The following ARID5B variants were observed in gnomAD, a reference collection of about 807,000 sequenced individuals.
The protein encoded by ARID5B is AT-rich interactive domain-containing protein 5B.
A neutral mutation model predicts 97.2 loss-of-function variants in ARID5B; 13 were observed. The observed-to-expected ratio is 0.13, with a 90% CI of 0.09 to 0.21. The LOEUF (loss-of-function observed/expected upper bound fraction) is 0.21, where lower values mean the gene tolerates loss of function less well. Among genes scored for constraint, ARID5B ranks in the 10% least tolerant of loss-of-function variants. The pLI is 1.00. For missense variants in ARID5B, 1,210 were observed against 1,465.3 expected (o/e 0.83, Z 2.84); for synonymous variants, 556 against 570.3 (o/e 0.97, Z 0.36).
chr10:61,951,870 C>T (rs2132812093), intron 3 of ARID5B, among the ~76,000 whole-genome samples: 1 of 152,112 alleles, frequency 6.6e-6, no homozygotes, highest in South Asian at 2.1e-4. Flanking sequence ...TAAATATGCC[C>T]CCATATTGTA....
intron 3 of ARID5B, among the ~76,000 whole-genome samples, chr10:61,968,121 C>T (rs1838571894): frequency 6.9e-6 from 1 of 144,748 alleles, no homozygotes; most frequent in African/African-American, 2.6e-5. Flanking sequence ...TATAAACACA[C>T]CTAATCTAGT....
intron 3 of ARID5B, among the ~76,000 whole-genome samples, chr10:61,968,669 A>T (rs1038990413): frequency 6.6e-6 from 1 of 152,220 alleles, no homozygotes; most frequent in Non-Finnish European, 1.5e-5. Flanking sequence ...GCACAAGTCC[A>T]TTTATGATAC....
intron 2 of ARID5B, among the ~76,000 whole-genome samples, chr10:61,916,138 C>T (rs1843899694): frequency 6.6e-6 from 1 of 152,254 alleles, no homozygotes; most frequent in South Asian, 2.1e-4. Context: ...ATCGCAACCT[C>T]TGTTGCCCAG....
intron 2 of ARID5B, among the ~76,000 whole-genome samples, chr10:61,922,598 G>A (rs990397821): frequency 3.3e-5 from 5 of 152,260 alleles, no homozygotes; most frequent in Admixed American, 6.5e-5. Context: ...GTGAGACTCC[G>A]TCTCAAAAAA....
At chr10:62,087,628 A>C (rs1035683131) in intron 9 of ARID5B, among the ~76,000 whole-genome samples, 2 of 152,040 alleles carry the variant, frequency 1.3e-5, no homozygotes, top group Non-Finnish European at 2.9e-5. Flanking sequence ...AATACCCCCT[A>C]AAAAATCAGG....
intron 2 of ARID5B, among the ~76,000 whole-genome samples, chr10:61,919,590 G>T (rs1383488836): frequency 6.6e-6 from 1 of 152,214 alleles, no homozygotes; most frequent in Non-Finnish European, 1.5e-5. Flanking sequence ...GAATTCAGAT[G>T]AAAACACTGC....
chr10:62,028,072 A>G (rs1291459536), intron 4 of ARID5B, among the ~76,000 whole-genome samples: 2 of 152,208 alleles, frequency 1.3e-5, no homozygotes, highest in Non-Finnish European at 2.9e-5. Context: ...AGTCACAGAA[A>G]ACACACTTGA....
intron 3 of ARID5B, among the ~76,000 whole-genome samples, chr10:61,982,563 A>G (rs1319368252): frequency 6.6e-6 from 1 of 152,266 alleles, no homozygotes; most frequent in Admixed American, 6.5e-5. Flanking sequence ...AGCTAAAGAA[A>G]AGTAGTCTCT....
intron 2 of ARID5B, among the ~76,000 whole-genome samples, chr10:61,906,732 A>G (rs1843714194): frequency 6.6e-6 from 1 of 152,144 alleles, no homozygotes; most frequent in Admixed American, 6.5e-5. Flanking sequence ...TGGGGCCCCT[A>G]TTGAAGTCTC....
At chr10:61,989,528 G>T (rs552318850) in intron 3 of ARID5B, among the ~76,000 whole-genome samples, 1 of 152,256 alleles carries the variant, frequency 6.6e-6, no homozygotes, top group African/African-American at 2.4e-5. Flanking sequence ...AAATAAGATG[G>T]TGATTAACTA....
intron 2 of ARID5B, among the ~76,000 whole-genome samples, chr10:61,918,969 G>C (rs1353250372): frequency 2.7e-5 from 4 of 149,358 alleles, no homozygotes; most frequent in Non-Finnish European, 5.9e-5. Context: ...GGGAGGCGGA[G>C]ATTGCAGTGA....
In ARID5B at chr10:62,092,552, C is replaced by A. The variant is rs571413236; in HGVS notation, c.3089C>A (p.Ala1030Glu). 2.5e-6 allele frequency: 4 copies of A among 1,614,076 alleles called. No homozygotes were observed. Among genetic ancestry groups the A allele is most frequent in the Non-Finnish European group, 2.5e-6 (3 of 1,180,040 alleles). The change falls in exon 10 of 10, where the codon GCA becomes GAA. Residue 1030 changes from alanine (A) to glutamate (E), a missense_variant. Around this residue, in one of 8 missense-constraint regions of ARID5B, gnomAD observed 800 missense variants for 839.1 expected, o/e 0.95. Transcript: ENST00000279873. ...DLVIAGKKAR[A>E]VSPLDPSKEV... The stretch of plus-strand genomic sequence containing the variant: ...GTGATTGCAGGGAAAAAGGCCCGGG[C>A]AGTGTCTCCCTTAGACCCATCCAAG...
intron 2 of ARID5B, among the ~76,000 whole-genome samples, chr10:61,909,317 A>ATTT (rs1843759447): frequency 1.0e-5 from 1 of 97,418 alleles, no homozygotes; most frequent in African/African-American, 3.9e-5. Context: ...CTATTCAGTG[A>ATTT]GTTTTTTTTT....
intron 3 of ARID5B, among the ~76,000 whole-genome samples, chr10:61,948,848 T>G (rs1277397223): frequency 1.3e-5 from 2 of 152,208 alleles, no homozygotes; most frequent in African/African-American, 4.8e-5. Context: ...GCAAAACTAC[T>G]GGACTCTTCT....
chr10:61,945,743 A>G (rs534668111), intron 3 of ARID5B, among the ~76,000 whole-genome samples: 1 of 152,248 alleles, frequency 6.6e-6, no homozygotes, highest in South Asian at 2.1e-4. Context: ...AACATTTGTG[A>G]TACTGAAGTC....
At position 62,091,946 on chromosome 10, in the gene ARID5B, T is replaced by C. The variant is rs952272035; in HGVS notation, c.2483T>C (p.Leu828Pro). 3.7e-6 allele frequency: 6 copies of C among 1,613,424 alleles called. No homozygotes were observed. Among genetic ancestry groups the C allele is most frequent in the Non-Finnish European group, 4.2e-6 (5 of 1,179,822 alleles). ...ALPHSHMPSF[L>P]ADFYSSPHLH... The stretch of plus-strand genomic sequence containing the variant: ...CCCCATTCCCACATGCCTAGCTTCC[T>C]GGCTGACTTCTACTCGTCCCCTCAT... The change falls in exon 10 of 10, where the codon CTG (leucine) becomes CCG (proline). Residue 828 changes from leucine to proline, a missense_variant. This residue lies in a region of ARID5B where 800 missense variants were observed against 839.1 expected (regional missense o/e 0.95). Coordinates refer to ENST00000279873, the MANE Select transcript of ARID5B (RefSeq NM_032199.3).
rs777291593 is a variant in ARID5B, at chr10:62,027,285, CTTTTTTTTTTTTTTTTTTTTTTT to C, written c.734-23584_734-23562del. Among the ~76,000 whole-genome samples the C allele has an allele frequency of 7.2e-3, 486 of 67,408 alleles. 6 individuals are homozygous for C. The highest frequency in any genetic ancestry group is 0.026 in the African/African-American group (454 of 17,410). The allele number at this position is 67,408 out of a possible 152,430, so 44.2% of individuals were successfully genotyped here. A position where few individuals can be genotyped will look rare whatever the true frequency, so the allele number is the denominator to read the frequency against. On this transcript the variant is annotated intron_variant, in intron 4 of 9. Coordinates refer to ENST00000279873, the MANE Select transcript of ARID5B (RefSeq NM_032199.3). Reference sequence around the variant, plus strand: ...TGATGCATTAGCCTCACAGTATCTCCTTTTTTTTTTTTTTTTTTTTTTTTTTTTTTTTTTTTTTTTTGAGACTG... The same window carrying C: ...TGATGCATTAGCCTCACAGTATCTCCTTTTTTTTTTTTTTTTTTGAGACTG...
intron 3 of ARID5B, among the ~76,000 whole-genome samples, chr10:61,986,044 C>T (rs1165997139): frequency 2.6e-5 from 4 of 152,060 alleles, no homozygotes; most frequent in Admixed American, 6.5e-5. Context: ...TTCTCAAAGC[C>T]ACCAGCCCAC....
At chr10:61,996,155 G>T (rs535534844) in intron 3 of ARID5B, among the ~76,000 whole-genome samples, 1 of 152,102 alleles carries the variant, frequency 6.6e-6, no homozygotes, top group Non-Finnish European at 1.5e-5. Flanking sequence ...CATGAATGAT[G>T]TATCAATAAT....
Sources: gnomAD v4.1 joint callset for allele counts (sites outside exome capture counted in the v4.1 genomes callset) on GRCh38, gnomAD v4.1.1 for gene constraint, gnomAD v4.1.1 regional missense constraint, MANE v1.5 for transcripts, NCBI Gene and HGNC (gene_info 2026-07-23, HGNC 2026-07-21) for gene names.